TNFRSF1A: variants seen among roughly 807,000 people sequenced by gnomAD.
TNFRSF1A encodes TNF receptor superfamily member 1A.
In TNFRSF1A, 9 loss-of-function variants were observed where a neutral mutation model predicts 41.6. That is an observed-to-expected ratio of 0.22 (90% CI 0.13 to 0.38). The LOEUF (loss-of-function observed/expected upper bound fraction) is 0.38, where lower values mean the gene tolerates loss of function less well. TNFRSF1A is among the 10% of genes least tolerant of loss of function. The pLI is 1.00. For missense variants in TNFRSF1A, 463 were observed against 591.5 expected, an observed-to-expected ratio of 0.78 and a Z score of 2.25; for synonymous variants, 254 against 248.6, an observed-to-expected ratio of 1.02 and a Z score of -0.21.
Position 6,334,013 on chromosome 12 carries a change from G to A in TNFRSF1A, c.193+78C>T. The A allele has an allele frequency of 6.2e-7, 1 of 1,611,820 alleles. No individual in the cohort carries two copies. The highest frequency in any genetic ancestry group is 8.5e-7 in the Non-Finnish European group (1 of 1,177,988). On this transcript the variant is annotated intron_variant, in intron 2 of 9. Coordinates refer to ENST00000162749, the MANE Select transcript of TNFRSF1A (RefSeq NM_001065.4). This position sits in a 1 kb window ranked among gnomAD's most constrained non-coding sequence, Gnocchi z 5.1. ...AGCCCAGGAGAGACAGCAAAGTTAG[G>A]GAAGAACAACTGGAAGAAGCAGAGA...
chr12:6,335,889 A>C (rs997914064), intron 1 of TNFRSF1A, among the ~76,000 whole-genome samples: 2 of 152,150 alleles, frequency 1.3e-5, no homozygotes, highest in Non-Finnish European at 2.9e-5. Flanking sequence ...ACAGAAACAC[A>C]ACAGCAGCCC....
In TNFRSF1A at chr12:6,337,740, C is replaced by G. The variant is rs910380836; in HGVS notation, c.40-3496G>C. Among the ~76,000 whole-genome samples the G allele has an allele frequency of 6.6e-6, 1 of 151,892 alleles. No individual in the cohort carries two copies. Among genetic ancestry groups the G allele is most frequent in the Non-Finnish European group, 1.5e-5 (1 of 68,018 alleles). ...TGTTGGGTGACAGATATGATCTCCC[C>G]AAAGTGACCACGAACCTTATAAGAT... On this transcript the variant is annotated intron_variant, in intron 1 of 9. Coordinates refer to ENST00000162749, the MANE Select transcript of TNFRSF1A (RefSeq NM_001065.4). This position sits in a 1 kb window ranked among gnomAD's most constrained non-coding sequence, Gnocchi z 4.6.
Position 6,341,896 on chromosome 12 carries a change from G to A in TNFRSF1A, c.-82C>T, listed in dbSNP as rs1948200491. 23 of 1,512,062 alleles carry A rather than the reference G, an allele frequency of 1.5e-5. No individual in the cohort carries two copies. The highest frequency in any genetic ancestry group is 3.4e-5 in the South Asian group (3 of 88,832). The allele number at this position is 1,512,062 out of a possible 1,614,324, so 93.7% of individuals were successfully genotyped here. On this transcript the variant is annotated 5_prime_UTR_variant, in exon 1 of 10. Coordinates refer to ENST00000162749, the MANE Select transcript of TNFRSF1A (RefSeq NM_001065.4). The surrounding 1 kb of genome is among the most constrained non-coding windows in gnomAD (Gnocchi z 4.6). ...GCAGTGCTGGGGCTTCCCGGGACTC[G>A]GTCTGTCCAGGACGTCCCAAGTGCC...
rs1302875787 is a variant in TNFRSF1A at position 6,334,312 on chromosome 12, A to G, written c.40-68T>C. Reference sequence around the variant, plus strand: ...GGGATGGGAAGCTTAGGGGTAGCAGATCTAAAACTTCCCTGGCTCAAGTCC... The same window carrying G: ...GGGATGGGAAGCTTAGGGGTAGCAGGTCTAAAACTTCCCTGGCTCAAGTCC... On this transcript the variant is annotated intron_variant, in intron 1 of 9. Coordinates refer to ENST00000162749, the MANE Select transcript of TNFRSF1A (RefSeq NM_001065.4). The surrounding 1 kb of genome is among the most constrained non-coding windows in gnomAD (Gnocchi z 5.1). The G allele has an allele frequency of 4.8e-6, 7 of 1,446,054 alleles. No homozygotes were observed. The highest frequency in any genetic ancestry group is 6.7e-6 in the Non-Finnish European group (7 of 1,043,976). The allele number at this position is 1,446,054 out of a possible 1,614,324, so 89.6% of individuals were successfully genotyped here. A position where few individuals can be genotyped will look rare whatever the true frequency, so the allele number is the denominator to read the frequency against.
In TNFRSF1A at chr12:6,329,487, T is replaced by C; in HGVS notation, c.1193A>G (p.Glu398Gly). The C allele has an allele frequency of 6.3e-7, 1 of 1,594,260 alleles. No individual in the cohort carries two copies. Among genetic ancestry groups the C allele is most frequent in the Non-Finnish European group, 8.5e-7 (1 of 1,177,824 alleles). Reference sequence around the variant, plus strand: ...GGTCGCCAGCATGCTGTATTGCGCCTCGCGCAGGCAGCGCCCGTTCTGCAG... The same window carrying C: ...GGTCGCCAGCATGCTGTATTGCGCCCCGCGCAGGCAGCGCCCGTTCTGCAG... ...LELQNGRCLR[E>G]AQYSMLATWR... Residue 398 changes from glutamate (E) to glycine (G), a missense_variant, in exon 10 of 10, where the codon GAG (glutamate) becomes GGG (glycine). Coordinates refer to ENST00000162749, the MANE Select transcript of TNFRSF1A (RefSeq NM_001065.4).
Position 6,329,453 on chromosome 12 carries a change from C to A in TNFRSF1A, c.1227G>T (p.Arg409=). The A allele has an allele frequency of 6.3e-7, 1 of 1,589,644 alleles. No individual in the cohort carries two copies. Among genetic ancestry groups the A allele is most frequent in the Admixed American group, 1.7e-5 (1 of 59,378 alleles). ...GCGTGGCCTCGCGCCGCGGCGTGCG[C>A]CGCCTCCAGGTCGCCAGCATGCTGT... ...AQYSMLATWR[R]RTPRREATLE... The change falls in exon 10 of 10, where the codon CGG becomes CGT. Residue 409 remains arginine (R), a synonymous_variant. Transcript: ENST00000162749.
Position 6,330,743 on chromosome 12 carries a change from C to T in TNFRSF1A, c.626-32G>A, listed in dbSNP as rs200415260. The T allele has an allele frequency of 1.7e-5, 27 of 1,592,480 alleles. No individual in the cohort carries two copies. In the African/African-American group the frequency reaches 3.0e-4, roughly 17 times the overall value. ...ACAAAGCAGGTGTTGGTCAGAGGAG[C>T]GGGCAGAGGGGGGCCGCAGGGATAG... is the stretch of plus-strand genomic sequence containing the variant. On this transcript the variant is annotated intron_variant, in intron 6 of 9. Transcript: ENST00000162749.
At position 6,341,758 on chromosome 12, in the gene TNFRSF1A, CT is replaced by C. The variant is rs771652839; in HGVS notation, c.39+17del. ...GCCTCGCCCACCAGCCCACTCTTCC[CT>C]TTGTCCCTGGTCTCACCAGTGGCAG... On this transcript the variant is annotated intron_variant, in intron 1 of 9. Coordinates refer to ENST00000162749, the MANE Select transcript of TNFRSF1A (RefSeq NM_001065.4). The surrounding 1 kb of genome is among the most constrained non-coding windows in gnomAD (Gnocchi z 4.6). 6.2e-7 allele frequency: 1 copy of C among 1,614,058 alleles called. No individual in the cohort carries two copies. Among genetic ancestry groups the C allele is most frequent in the Non-Finnish European group, 8.5e-7 (1 of 1,179,958 alleles).
intron 7 of TNFRSF1A, 30 bp downstream of exon 7, chr12:6,330,568 C>G (rs201138369): frequency 5.2e-6 from 8 of 1,538,332 alleles, no homozygotes; most frequent in East Asian, 4.5e-5. Context: ...CCCCCACCAG[C>G]TCCCTCTCCC....
chr12:6,335,823 G>A (rs908118602), intron 1 of TNFRSF1A, among the ~76,000 whole-genome samples: 4 of 152,190 alleles, frequency 2.6e-5, no homozygotes, highest in Non-Finnish European at 5.9e-5. Flanking sequence ...CGCTGCAGCT[G>A]TAAGCTGTGC....
At chr12:6,332,255 T>C (rs1056576621) in intron 5 of TNFRSF1A, among the ~76,000 whole-genome samples, 3 of 151,598 alleles carry the variant, frequency 2.0e-5, no homozygotes, top group African/African-American at 4.8e-5. Context: ...GCCTGGGCAA[T>C]ATAGTAGGAC....
At position 6,329,430 on chromosome 12, in the gene TNFRSF1A, G is replaced by T. The variant is rs1438992709; in HGVS notation, c.1250C>A (p.Thr417Lys). The change falls in exon 10 of 10, where the codon ACG (threonine) becomes AAG (lysine). Residue 417 changes from threonine to lysine, a missense_variant. This residue lies in a region of TNFRSF1A where 277 missense variants were observed against 288.8 expected (regional missense o/e 0.96). Coordinates refer to ENST00000162749, the MANE Select transcript of TNFRSF1A (RefSeq NM_001065.4). ...WRRRTPRREA[T>K]LELLGRVLRD... ...GAGCACGCGTCCCAGCAGCTCCAGCGTGGCCTCGCGCCGCGGCGTGCGCCG... is the reference window on the plus strand; with the variant it reads ...GAGCACGCGTCCCAGCAGCTCCAGCTTGGCCTCGCGCCGCGGCGTGCGCCG... 2 of 1,583,626 alleles carry T rather than the reference G, an allele frequency of 1.3e-6. No individual in the cohort carries two copies. Among genetic ancestry groups the T allele is most frequent in the Non-Finnish European group, 1.7e-6 (2 of 1,171,832 alleles).
In TNFRSF1A at chr12:6,329,389, G is replaced by A. The variant is rs775025603; in HGVS notation, c.1291C>T (p.Leu431=). ...TCCTCGATGTCCTCCAGGCAGCCCAGCAGGTCCATGTCGCGGAGCACGCGT... is the reference window on the plus strand; with the variant it reads ...TCCTCGATGTCCTCCAGGCAGCCCAACAGGTCCATGTCGCGGAGCACGCGT... ...LGRVLRDMDL[L]GCLEDIEEAL... Residue 431 remains leucine, a synonymous_variant, in exon 10 of 10, where the codon CTG becomes TTG. Transcript: ENST00000162749. 2 of 1,549,912 alleles carry A rather than the reference G, an allele frequency of 1.3e-6. No homozygotes were observed. The highest frequency in any genetic ancestry group is 1.7e-6 in the Non-Finnish European group (2 of 1,155,170).
At position 6,337,517 on chromosome 12, in the gene TNFRSF1A, C is replaced by A. The variant is rs1162524326; in HGVS notation, c.40-3273G>T. Among the ~76,000 whole-genome samples the A allele has an allele frequency of 1.3e-5, 2 of 152,144 alleles. No homozygotes were observed. Among genetic ancestry groups the A allele is most frequent in the Admixed American group, 1.3e-4 (2 of 15,272 alleles). On this transcript the variant is annotated intron_variant, in intron 1 of 9. Transcript: ENST00000162749. The surrounding 1 kb of genome is among the most constrained non-coding windows in gnomAD (Gnocchi z 4.6). The stretch of plus-strand genomic sequence containing the variant: ...TTTCCCCCTCATTCATGTGTCTGTT[C>A]ATTTAATGTCAAGGTGTTGGGGGAG...
intron 5 of TNFRSF1A, among the ~76,000 whole-genome samples, chr12:6,332,609 A>G (rs1457293061): frequency 6.6e-6 from 1 of 152,084 alleles, no homozygotes; most frequent in Non-Finnish European, 1.5e-5. Flanking sequence ...GCCAGGAGTA[A>G]GGAGGCCTGG....
At position 6,334,191 on chromosome 12, in the gene TNFRSF1A, G is replaced by C. The variant is rs1276832298; in HGVS notation, c.93C>G (p.Val31=). The part of the protein sequence containing the change: ...GIYPSGVIGL[V]PHLGDREKRD... ...TCTTCTCCCTGTCCCCTAGGTGAGG[G>C]ACCAGTCCAATAACCCCTGAGGGGT... Residue 31 remains valine, a synonymous_variant, in exon 2 of 10, where the codon GTC becomes GTG. Transcript: ENST00000162749. The surrounding 1 kb of genome is among the most constrained non-coding windows in gnomAD (Gnocchi z 5.1). The C allele has an allele frequency of 3.1e-6, 5 of 1,613,938 alleles. No homozygotes were observed. The Admixed American group carries it at 8.3e-5, about 27-fold the overall frequency.
chr12:6,333,332 G>A lies in TNFRSF1A; in HGVS notation c.472+35C>T. 1.2e-6 allele frequency: 2 copies of A among 1,608,302 alleles called. No homozygotes were observed. Among genetic ancestry groups the A allele is most frequent in the Admixed American group, 1.7e-5 (1 of 59,142 alleles). Reference sequence around the variant, plus strand: ...GGGGAAGGGGCCAACCCCTGGGGTGGGGAGAGGGCTTGGCCTCAGGAGAGC... The same window carrying A: ...GGGGAAGGGGCCAACCCCTGGGGTGAGGAGAGGGCTTGGCCTCAGGAGAGC... On this transcript the variant is annotated intron_variant, in intron 4 of 9. Transcript: ENST00000162749. The surrounding 1 kb of genome is among the most constrained non-coding windows in gnomAD (Gnocchi z 6.3).
chr12:6,336,229 T>TGGAG (rs891465051), intron 1 of TNFRSF1A, among the ~76,000 whole-genome samples: 35 of 152,150 alleles, frequency 2.3e-4, no homozygotes, highest in Non-Finnish European at 4.4e-4. Flanking sequence ...TGAGCCTCCC[T>TGGAG]GGAGGGAGGG....
At chr12:6,335,865 A>G (rs1948113842) in intron 1 of TNFRSF1A, among the ~76,000 whole-genome samples, 1 of 152,208 alleles carries the variant, frequency 6.6e-6, no homozygotes, top group Admixed American at 6.5e-5. Context: ...AGCCGCAAAC[A>G]GGGGAAGCCA....
Sources: allele counts gnomAD v4.1 joint callset (sites outside exome capture counted in the v4.1 genomes callset), GRCh38; gene constraint gnomAD v4.1.1; regional missense constraint gnomAD v4.1.1; non-coding constraint Gnocchi (gnomAD v3.1); transcripts MANE v1.5; gene names NCBI Gene and HGNC (gene_info 2026-07-23, HGNC 2026-07-21).